The following KMT2E variants were observed in gnomAD, a reference collection of about 807,000 sequenced individuals.
KMT2E encodes the protein histone reader KMT2E.
In KMT2E, 30 loss-of-function variants were observed where a neutral mutation model predicts 184.6. That is an observed-to-expected ratio of 0.16 (90% confidence interval 0.12 to 0.22). The LOEUF is 0.22. Among genes scored for constraint, KMT2E ranks in the 10% least tolerant of loss-of-function variants. The pLI, the probability that KMT2E is intolerant of heterozygous loss-of-function variation, is 1.00. For missense variants in KMT2E, 2,023 were observed against 2,237.4 expected (o/e 0.90, Z 1.93); for synonymous variants, 815 against 776.5 (o/e 1.05, Z -0.82).
At chr7:105,030,025 G>T (rs765758811) in intron 1 of KMT2E, among the ~76,000 whole-genome samples, 5 of 152,154 alleles carry the variant, frequency 3.3e-5, no homozygotes, top group Non-Finnish European at 5.9e-5. Context: ...AGGTAATATA[G>T]AAATACCTCA....
At chr7:105,075,849 A>G (rs1797504263) in intron 8 of KMT2E, among the ~76,000 whole-genome samples, 194 bp from the exon 9 acceptor site, 1 of 151,934 alleles carries the variant, frequency 6.6e-6, no homozygotes, top group East Asian at 1.9e-4. Context: ...ACCACTCTCA[A>G]CCACATTCTG....
At position 105,074,692 on chromosome 7, in the gene KMT2E, A is replaced by G. The variant is rs138243867; in HGVS notation, c.606A>G (p.Leu202=). Residue 202 remains leucine (L), a synonymous_variant, in exon 8 of 27, where the codon TTA becomes TTG. Transcript: ENST00000311117. ...GTGGTGATGAGGTTCCTGTGGAATT[A>G]TATACTGCATTTCAGCATACTCCAA... is the stretch of plus-strand genomic sequence containing the variant. ...TESGDEVPVE[L]YTAFQHTPTS... 112 of 1,602,678 alleles carry G rather than the reference A, an allele frequency of 7.0e-5. No individual in the cohort carries two copies. The South Asian group carries it at 1.2e-3, about 17-fold the overall frequency.
Position 105,113,451 on chromosome 7 carries a change from G to A in KMT2E, c.*118G>A. Reference sequence around the variant, plus strand: ...GAACCTTTGTATAAAAAACACCAGTGCTCTTTCGTTGTATTTTTCTCATTT... The same window carrying A: ...GAACCTTTGTATAAAAAACACCAGTACTCTTTCGTTGTATTTTTCTCATTT... On this transcript the variant is annotated 3_prime_UTR_variant, in exon 27 of 27. Transcript: ENST00000311117. 1.8e-6 allele frequency: 2 copies of A among 1,108,220 alleles called. No individual in the cohort carries two copies. The highest frequency in any genetic ancestry group is 2.5e-6 in the Non-Finnish European group (2 of 812,238). 68.6% of individuals were successfully genotyped at this position (1,108,220 alleles called of 1,614,324 possible). A position where few individuals can be genotyped will look rare whatever the true frequency, so the allele number is the denominator to read the frequency against.
intron 3 of KMT2E, among the ~76,000 whole-genome samples, chr7:105,052,913 A>T (rs1796406451): frequency 6.6e-6 from 1 of 151,990 alleles, no homozygotes; most frequent in African/African-American, 2.4e-5. Context: ...TTAACCCTGA[A>T]GTTTATTATA....
chr7:105,051,661 C>T (rs1228090938), intron 3 of KMT2E, among the ~76,000 whole-genome samples: 15 of 152,084 alleles, frequency 9.9e-5, no homozygotes, highest in Admixed American at 9.2e-4. Flanking sequence ...CTCTGTCACC[C>T]AGGCTGGAGT....
chr7:105,087,032 ATATG>A, intron 13 of KMT2E, among the ~76,000 whole-genome samples: 1 of 146,980 alleles, frequency 6.8e-6, no homozygotes, highest in Non-Finnish European at 1.5e-5. Context: ...ATAATATAAT[ATATG>A]GCATGTATAA....
intron 17 of KMT2E, chr7:105,102,747 C>CTGGA (rs1467458324): frequency 1.3e-5 from 2 of 153,534 alleles, no homozygotes; most frequent in African/African-American, 4.8e-5. Context: ...CCCACTCTGA[C>CTGGA]TGGAGTACAG....
intron 1 of KMT2E, among the ~76,000 whole-genome samples, chr7:105,030,749 A>C (rs1306247661): frequency 6.6e-6 from 1 of 152,174 alleles, no homozygotes; most frequent in Admixed American, 6.5e-5. Context: ...TCCTATCCCC[A>C]GGTATATGAA....
Position 105,107,547 on chromosome 7 carries a change from T to A in KMT2E, c.3090T>A (p.Val1030=). The part of the protein sequence containing the change: ...VSDLQLGLDA[V]EPTALHKTLE... ...ACCTTCAGCTAGGACTCGATGCAGT[T>A]GAGCCAACTGCCCTACATAAAACCC... The change falls in exon 22 of 27, where the codon GTT becomes GTA. Residue 1030 remains valine, a synonymous_variant. Transcript: ENST00000311117. 3.7e-6 allele frequency: 6 copies of A among 1,614,094 alleles called. No individual in the cohort carries two copies. The highest frequency in any genetic ancestry group is 5.1e-6 in the Non-Finnish European group (6 of 1,180,000).
chr7:105,020,880 A>G (rs1360510644), intron 1 of KMT2E, among the ~76,000 whole-genome samples: 1 of 152,228 alleles, frequency 6.6e-6, no homozygotes, highest in Non-Finnish European at 1.5e-5. Context: ...ATTACCACTT[A>G]GGATATTGTC....
chr7:105,032,042 CA>C (rs1161628229), intron 1 of KMT2E, among the ~76,000 whole-genome samples: 4 of 138,100 alleles, frequency 2.9e-5, no homozygotes, highest in Non-Finnish European at 4.6e-5. Context: ...CTCCACACTC[CA>C]GCCTGGGCGA....
At chr7:105,055,429 C>G (rs1426274221) in intron 3 of KMT2E, among the ~76,000 whole-genome samples, 1 of 152,032 alleles carries the variant, frequency 6.6e-6, no homozygotes, top group Non-Finnish European at 1.5e-5. Flanking sequence ...TGAACTAGTC[C>G]TTGTCTATTC....
At chr7:105,082,047 C>T (rs931781278) in intron 13 of KMT2E, among the ~76,000 whole-genome samples, 1 of 152,108 alleles carries the variant, frequency 6.6e-6, no homozygotes, top group African/African-American at 2.4e-5. Context: ...AACCCTAATT[C>T]AGCCATACAA....
intron 17 of KMT2E, chr7:105,103,460 A>G (rs1392573835): frequency 6.6e-6 from 1 of 152,166 alleles, no homozygotes; most frequent in Non-Finnish European, 1.5e-5. Flanking sequence ...ATGTTATTGA[A>G]CTTTTAATCT....
At chr7:105,110,904 CT>C in intron 26 of KMT2E, 36 bp downstream of exon 26, 1 of 1,462,110 alleles carries the variant, frequency 6.8e-7, no homozygotes, top group Non-Finnish European at 9.6e-7. Flanking sequence ...TTCCAAAGGA[CT>C]TTAGGTTGAG....
At chr7:105,039,543 T>C (rs1217724879) in intron 2 of KMT2E, among the ~76,000 whole-genome samples, 1 of 152,208 alleles carries the variant, frequency 6.6e-6, no homozygotes. Context: ...CATTTGAAAA[T>C]ATCTATTTAG....
chr7:105,102,354 A>G (rs1275308990), intron 17 of KMT2E, 160 bp downstream of exon 17: 2 of 544,534 alleles, frequency 3.7e-6, no homozygotes, highest in African/African-American at 2.0e-5. Context: ...AAACTGTAAA[A>G]TTAATATAAA....
chr7:105,073,830 T>C (rs1325471312), intron 7 of KMT2E, among the ~76,000 whole-genome samples, 153 bp downstream of exon 7: 1 of 152,178 alleles, frequency 6.6e-6, no homozygotes, highest in East Asian at 1.9e-4. Context: ...ATCTCTGGTA[T>C]AGATTTCAAG....
intron 25 of KMT2E, 41 bp downstream of exon 25, chr7:105,110,643 T>C: frequency 6.2e-7 from 1 of 1,612,730 alleles, no homozygotes; most frequent in Non-Finnish European, 8.5e-7. Context: ...CTTAACAAAT[T>C]TTAAAATCAG....
Sources: allele counts gnomAD v4.1 joint callset (sites outside exome capture counted in the v4.1 genomes callset), GRCh38; gene constraint gnomAD v4.1.1; transcripts MANE v1.5; gene names NCBI Gene and HGNC (gene_info 2026-07-23, HGNC 2026-07-21).